Variants in RPN2 observed in about 807,000 individuals in gnomAD.
RPN2 encodes the protein ribophorin II.
In RPN2, 29 loss-of-function variants were observed where a neutral mutation model predicts 71.4. The ratio of observed to expected loss-of-function variants is 0.41; its 90% confidence interval spans 0.30 to 0.55. The LOEUF (loss-of-function observed/expected upper bound fraction) is 0.55, where lower values mean the gene tolerates loss of function less well. Among genes scored for constraint, RPN2 ranks in the 20% least tolerant of loss-of-function variants. The pLI is 0.35. For synonymous variants in RPN2, 308 were observed against 305.0 expected (o/e 1.01, Z -0.10); for missense variants, 726 against 774.1 (o/e 0.94, Z 0.74).
chr20:37,225,622 A>G, intron 10 of RPN2, 66 bp from the exon 11 acceptor site: 7 of 1,038,006 alleles, frequency 6.7e-6, no homozygotes, highest in Non-Finnish European at 1.1e-5. Flanking sequence ...TGAAGTATAT[A>G]TTTTCTGCCT....
At chr20:37,239,695 T>G (rs2146725461) in intron 16 of RPN2, among the ~76,000 whole-genome samples, 1 of 152,256 alleles carries the variant, frequency 6.6e-6, no homozygotes, top group Non-Finnish European at 1.5e-5. Context: ...ACCTCTGTAG[T>G]CATGTAGCCA....
At position 37,207,259 on chromosome 20, in the gene RPN2, C is replaced by A; in HGVS notation, c.691-14C>A. On this transcript the variant is annotated splice_polypyrimidine_tract_variant and intron_variant, in intron 6 of 16. Coordinates refer to ENST00000237530, the MANE Select transcript of RPN2 (RefSeq NM_002951.5). ...CAGAGGAAGAGAAACAGCTGCATTT[C>A]GCATTTCTTTCAGGATCAGGTCATC... The A allele has an allele frequency of 6.2e-7, 1 of 1,609,280 alleles. No homozygotes were observed. Among genetic ancestry groups the A allele is most frequent in the Non-Finnish European group, 8.5e-7 (1 of 1,175,590 alleles).
At chr20:37,218,506 G>A (rs886789588) in intron 9 of RPN2, among the ~76,000 whole-genome samples, 5 of 150,754 alleles carry the variant, frequency 3.3e-5, no homozygotes, top group African/African-American at 1.2e-4. Context: ...TCAGGAGTTC[G>A]AGACCAGCCT....
At position 37,223,043 on chromosome 20, in the gene RPN2, G is replaced by A. The variant is rs1214559898; in HGVS notation, c.1093-835G>A. ...CTTTAGGTGGTCAACTGGAGGCTCT[G>A]CTTCATGATATCTTTGCTCCAGGAC... On this transcript the variant is annotated intron_variant, in intron 9 of 16. Transcript: ENST00000237530. Among the ~76,000 whole-genome samples, 3 of 152,204 alleles carry A rather than the reference G, an allele frequency of 2.0e-5. No individual in the cohort carries two copies. In the South Asian group the frequency reaches 6.2e-4, roughly 31 times the overall value.
intron 2 of RPN2, among the ~76,000 whole-genome samples, chr20:37,194,782 TAGAA>T (rs1403085246): frequency 6.6e-6 from 1 of 151,898 alleles, no homozygotes; most frequent in Non-Finnish European, 1.5e-5. Flanking sequence ...CGGGCCTGGT[TAGAA>T]AGGGTCTGGC....
chr20:37,182,381 A>C (rs1447991620), intron 1 of RPN2, among the ~76,000 whole-genome samples: 2 of 151,972 alleles, frequency 1.3e-5, no homozygotes, highest in East Asian at 1.9e-4. Flanking sequence ...GGCGTGAGCT[A>C]CTGTGCCCAG....
intron 1 of RPN2, among the ~76,000 whole-genome samples, chr20:37,182,239 A>G (rs1028408692): frequency 1.3e-5 from 2 of 151,862 alleles, no homozygotes; most frequent in Middle Eastern, 3.2e-3. Flanking sequence ...GATTACAGGC[A>G]CCCACCATCA....
rs774642743 is a variant in RPN2 at position 37,207,322 on chromosome 20, A to G, written c.740A>G (p.Glu247Gly). Residue 247 changes from glutamate to glycine, a missense_variant, in exon 7 of 17, where the codon GAG (glutamate) becomes GGG (glycine). Coordinates refer to ENST00000237530, the MANE Select transcript of RPN2 (RefSeq NM_002951.5). ...GCGATCTTCAGCAAGAAGAACTTTG[A>G]GTCCCTCTCCGAAGCCTTCAGCGTG... ...MNAIFSKKNF[E>G]SLSEAFSVAS... 5 of 1,614,088 alleles carry G rather than the reference A, an allele frequency of 3.1e-6. No individual in the cohort carries two copies.
At chr20:37,184,999 CTAA>C (rs374576676) in intron 2 of RPN2, among the ~76,000 whole-genome samples, 188 of 152,154 alleles carry the variant, frequency 1.2e-3, no homozygotes, top group African/African-American at 4.4e-3. Flanking sequence ...ATGTGTGTGG[CTAA>C]TAATAAGGGA....
intron 9 of RPN2, among the ~76,000 whole-genome samples, chr20:37,221,730 A>G (rs1041885910): frequency 6.6e-6 from 1 of 152,226 alleles, no homozygotes; most frequent in African/African-American, 2.4e-5. Context: ...TTTTTATAGC[A>G]TGGAGTATTA....
At chr20:37,191,445 C>G (rs1436985770) in intron 2 of RPN2, among the ~76,000 whole-genome samples, 1 of 152,070 alleles carries the variant, frequency 6.6e-6, no homozygotes, top group East Asian at 1.9e-4. Flanking sequence ...CTGCTACACT[C>G]TAGCCTGGGT....
chr20:37,229,054 T>C (rs3817883), intron 12 of RPN2, among the ~76,000 whole-genome samples: 117,303 of 151,956 alleles, frequency 0.77, 45,733 homozygotes, highest in Middle Eastern at 0.89. Context: ...CAGGCACTAT[T>C]GGGGTTACGT....
intron 5 of RPN2, among the ~76,000 whole-genome samples, chr20:37,204,231 A>G (rs1244394417): frequency 6.6e-6 from 1 of 152,204 alleles, no homozygotes; most frequent in Non-Finnish European, 1.5e-5. Context: ...GACCTCTGTC[A>G]TGGACTGCCT....
At chr20:37,211,803 T>A (rs1187948512) in intron 8 of RPN2, among the ~76,000 whole-genome samples, 1 of 151,936 alleles carries the variant, frequency 6.6e-6, no homozygotes, top group Non-Finnish European at 1.5e-5. Context: ...AGTGGCGTGA[T>A]GTCTGCTCAT....
intron 2 of RPN2, among the ~76,000 whole-genome samples, chr20:37,196,659 C>T (rs1280421115): frequency 1.3e-5 from 2 of 152,136 alleles, no homozygotes; most frequent in Admixed American, 6.6e-5. Flanking sequence ...GGATTACAGG[C>T]GTGAGCCACT....
intron 5 of RPN2, 72 bp downstream of exon 5, chr20:37,204,032 C>T: frequency 2.8e-6 from 3 of 1,058,660 alleles, no homozygotes; most frequent in Non-Finnish European, 4.4e-6. Flanking sequence ...TTGCAGATAG[C>T]CATGCATGAT....
At chr20:37,227,769 G>A (rs1354158177) in intron 11 of RPN2, among the ~76,000 whole-genome samples, 1 of 152,212 alleles carries the variant, frequency 6.6e-6, no homozygotes, top group Non-Finnish European at 1.5e-5. Context: ...CAGTTCTAAT[G>A]TGCAGACACC....
chr20:37,207,255 A>AT lies in RPN2; in HGVS notation c.691-15dup. ...CCAGCAGAGGAAGAGAAACAGCTGC[A>AT]TTTCGCATTTCTTTCAGGATCAGGT... is the stretch of plus-strand genomic sequence containing the variant. On this transcript the variant is annotated splice_polypyrimidine_tract_variant and intron_variant, in intron 6 of 16. Transcript: ENST00000237530. 2 of 1,608,010 alleles carry AT rather than the reference A, an allele frequency of 1.2e-6. No individual in the cohort carries two copies. The highest frequency in any genetic ancestry group is 1.7e-6 in the Non-Finnish European group (2 of 1,174,420).
chr20:37,221,490 G>C (rs888896817), intron 9 of RPN2, among the ~76,000 whole-genome samples: 1 of 152,096 alleles, frequency 6.6e-6, no homozygotes, highest in Non-Finnish European at 1.5e-5. Flanking sequence ...GAGCCACCAC[G>C]CCCGGCCTAG....
Sources: allele counts gnomAD v4.1 joint callset (sites outside exome capture counted in the v4.1 genomes callset), GRCh38; gene constraint gnomAD v4.1.1; transcripts MANE v1.5; gene names NCBI Gene and HGNC (gene_info 2026-07-23, HGNC 2026-07-21).